PRRX1: variants seen among roughly 807,000 people sequenced by gnomAD.
PRRX1 encodes paired mesoderm homeobox protein 1.
In PRRX1, 8 loss-of-function variants were observed where a neutral mutation model predicts 24.0. The observed-to-expected ratio is 0.33, with a 90% CI of 0.20 to 0.60. The LOEUF is 0.60. Among genes scored for constraint, PRRX1 ranks in the 20% least tolerant of loss-of-function variants. The pLI is 0.82. For missense variants in PRRX1, 281 were observed against 322.4 expected (o/e 0.87, Z 0.98); for synonymous variants, 160 against 131.7 (o/e 1.22, Z -1.47).
At chr1:170,679,778 A>G (rs1653448509) in intron 1 of PRRX1, among the ~76,000 whole-genome samples, 1 of 152,230 alleles carries the variant, frequency 6.6e-6, no homozygotes, top group Admixed American at 6.5e-5. Flanking sequence ...AACATGTGTC[A>G]AAGAAGTGGC....
chr1:170,701,834 A>G (rs544634535), intron 1 of PRRX1, among the ~76,000 whole-genome samples: 25 of 152,198 alleles, frequency 1.6e-4, no homozygotes, highest in African/African-American at 5.8e-4. Flanking sequence ...CATATCCATC[A>G]TCTGAAACAT....
chr1:170,725,716 C>T (rs2101921948), intron 2 of PRRX1, among the ~76,000 whole-genome samples: 1 of 152,304 alleles, frequency 6.6e-6, no homozygotes, highest in South Asian at 2.1e-4. Flanking sequence ...CTTTGCACCT[C>T]CCAAATAAAA....
rs534576818 is a variant in PRRX1 at position 170,684,199 on chromosome 1, C to A, written c.241+19740C>A. Among the ~76,000 whole-genome samples, 163 of 152,278 alleles carry A rather than the reference C, an allele frequency of 1.1e-3. 2 individuals are homozygous for A. Among genetic ancestry groups the A allele is most frequent in the Middle Eastern group, 3.4e-3 (1 of 294 alleles). ...TGGTCCCTCGTGCTCTCAGGTGGCA[C>A]CTGCTCAAAATGTTAATAGCAACCT... On this transcript the variant is annotated intron_variant, in intron 1 of 3. Transcript: ENST00000239461.
chr1:170,670,686 T>C (rs1414648509), intron 1 of PRRX1, among the ~76,000 whole-genome samples: 1 of 152,200 alleles, frequency 6.6e-6, no homozygotes, highest in Non-Finnish European at 1.5e-5. Context: ...GGACTACTTT[T>C]CTTGATAAAA....
chr1:170,732,709 T>A (rs1655472127), intron 3 of PRRX1, among the ~76,000 whole-genome samples: 1 of 152,200 alleles, frequency 6.6e-6, no homozygotes. Context: ...GGTTCTTTTA[T>A]CCTACTTCTT....
chr1:170,683,221 G>C (rs1653613202), intron 1 of PRRX1, among the ~76,000 whole-genome samples: 1 of 152,202 alleles, frequency 6.6e-6, no homozygotes, highest in Non-Finnish European at 1.5e-5. Context: ...GGAAGAAGGA[G>C]AAGCAGTTAG....
At chr1:170,711,853 C>T (rs1288834815) in intron 1 of PRRX1, among the ~76,000 whole-genome samples, 1 of 152,154 alleles carries the variant, frequency 6.6e-6, no homozygotes, top group Non-Finnish European at 1.5e-5. Flanking sequence ...GTTTAGAAAG[C>T]TTCTAATATC....
intron 1 of PRRX1, among the ~76,000 whole-genome samples, chr1:170,685,136 C>T (rs974116880): frequency 6.6e-6 from 1 of 152,106 alleles, no homozygotes; most frequent in African/African-American, 2.4e-5. Flanking sequence ...TGGTTTTGGA[C>T]CAAGGCTTAT....
chr1:170,724,131 G>A (rs1394463512), intron 2 of PRRX1, among the ~76,000 whole-genome samples: 1 of 152,102 alleles, frequency 6.6e-6, no homozygotes, highest in Non-Finnish European at 1.5e-5. Context: ...TTTTTCATGG[G>A]ATTGTTTGTT....
intron 1 of PRRX1, among the ~76,000 whole-genome samples, chr1:170,672,328 T>A (rs1653170407): frequency 6.6e-6 from 1 of 152,188 alleles, no homozygotes; most frequent in Admixed American, 6.5e-5. Context: ...AATATATATT[T>A]TGTCTTCATA....
upstream of PRRX1, chr1:170,664,099 C>CTCTCTCTCTCTCTCTCTCTG (rs1652823426): frequency 7.7e-6 from 8 of 1,033,232 alleles, no homozygotes; most frequent in African/African-American, 1.2e-4. Flanking sequence ...CTCTCTCTCT[C>CTCTCTCTCTCTCTCTCTCTG]TCTCTCTCCA....
chr1:170,673,254 A>C (rs1653202524), intron 1 of PRRX1, among the ~76,000 whole-genome samples: 2 of 152,202 alleles, frequency 1.3e-5, no homozygotes, highest in Admixed American at 1.3e-4. Flanking sequence ...CCATTAATTC[A>C]AACTGGGAGG....
chr1:170,730,013 G>GAA (rs1205529157), intron 3 of PRRX1, among the ~76,000 whole-genome samples: 1 of 152,196 alleles, frequency 6.6e-6, no homozygotes, highest in African/African-American at 2.4e-5. Flanking sequence ...AAGTAGCCAA[G>GAA]AAACATTTTC....
intron 3 of PRRX1, among the ~76,000 whole-genome samples, chr1:170,733,069 A>G (rs1354072938): frequency 6.6e-6 from 1 of 152,152 alleles, no homozygotes; most frequent in Non-Finnish European, 1.5e-5. Flanking sequence ...TTGAGATAGA[A>G]AGTGCATTAA....
At chr1:170,721,156 A>G (rs1324758797) in intron 2 of PRRX1, among the ~76,000 whole-genome samples, 3 of 152,216 alleles carry the variant, frequency 2.0e-5, no homozygotes, top group Non-Finnish European at 4.4e-5. Flanking sequence ...AACTGAATGA[A>G]TAAGAGTCTC....
intron 2 of PRRX1, among the ~76,000 whole-genome samples, chr1:170,721,560 C>A (rs1655086324): frequency 6.6e-6 from 1 of 152,064 alleles, no homozygotes; most frequent in African/African-American, 2.4e-5. Flanking sequence ...AAGAAGTACT[C>A]CCCAAGAGAA....
At chr1:170,689,980 A>T (rs1297922950) in intron 1 of PRRX1, among the ~76,000 whole-genome samples, 1 of 151,562 alleles carries the variant, frequency 6.6e-6, no homozygotes, top group Non-Finnish European at 1.5e-5. Context: ...GAAAGACTGG[A>T]TTGGCATTCC....
At chr1:170,667,117 A>C (rs1351989893) in intron 1 of PRRX1, among the ~76,000 whole-genome samples, 1 of 152,100 alleles carries the variant, frequency 6.6e-6, no homozygotes, top group Non-Finnish European at 1.5e-5. Flanking sequence ...TCAGAGTTAC[A>C]ATGACTAGAG....
intron 1 of PRRX1, among the ~76,000 whole-genome samples, chr1:170,719,248 A>G (rs1655004338): frequency 6.6e-6 from 1 of 152,248 alleles, no homozygotes; most frequent in Non-Finnish European, 1.5e-5. Flanking sequence ...TTTCCTCTCT[A>G]TAACTCTATG....
Sources: allele counts gnomAD v4.1 joint callset (sites outside exome capture counted in the v4.1 genomes callset), GRCh38; gene constraint gnomAD v4.1.1; transcripts MANE v1.5; gene names NCBI Gene and HGNC (gene_info 2026-07-23, HGNC 2026-07-21).